AGBL4: variants seen among roughly 807,000 people sequenced by gnomAD.
AGBL4 encodes the protein AGBL carboxypeptidase 4.
In AGBL4, 58 loss-of-function variants were observed where a neutral mutation model predicts 66.4. The ratio of observed to expected loss-of-function variants is 0.87; its 90% confidence interval spans 0.71 to 1.09. The LOEUF is 1.09. Among genes scored for constraint, AGBL4 ranks in the 50% least tolerant of loss-of-function variants. The pLI, the probability that AGBL4 is intolerant of heterozygous loss-of-function variation, is 0.00. For synonymous variants in AGBL4, 234 were observed against 222.9 expected (o/e 1.05, Z -0.44); for missense variants, 579 against 631.0 (o/e 0.92, Z 0.88).
At chr1:48,577,107 T>A (rs1187854436) in intron 11 of AGBL4, among the ~76,000 whole-genome samples, 1 of 152,224 alleles carries the variant, frequency 6.6e-6, no homozygotes, top group Non-Finnish European at 1.5e-5. Context: ...TAGCAGACAG[T>A]CCCTCTCATT....
intron 8 of AGBL4, among the ~76,000 whole-genome samples, chr1:48,652,551 G>T (rs1260759883): frequency 6.6e-6 from 1 of 152,164 alleles, no homozygotes; most frequent in Non-Finnish European, 1.5e-5. Flanking sequence ...AAGCTGGGGG[G>T]TCTGAATGTC....
intron 5 of AGBL4, among the ~76,000 whole-genome samples, chr1:49,020,847 T>C (rs747929572): frequency 4.6e-5 from 7 of 152,168 alleles, no homozygotes; most frequent in Non-Finnish European, 8.8e-5. Flanking sequence ...TAGCCTTGTT[T>C]AATGGGGCAA....
At chr1:49,352,001 A>T (rs915546504) in intron 3 of AGBL4, among the ~76,000 whole-genome samples, 1 of 152,156 alleles carries the variant, frequency 6.6e-6, no homozygotes, top group African/African-American at 2.4e-5. Flanking sequence ...CTCTTTTTCA[A>T]TTAACTTCCT....
chr1:49,754,445 C>T (rs4926829), intron 2 of AGBL4, among the ~76,000 whole-genome samples: 7,553 of 152,072 alleles, frequency 0.05, 298 homozygotes, highest in East Asian at 0.15. Context: ...AATAGTAGGG[C>T]CTTTCTTCTG....
intron 3 of AGBL4, among the ~76,000 whole-genome samples, chr1:49,259,077 A>T (rs1038166485): frequency 6.6e-6 from 1 of 152,194 alleles, no homozygotes; most frequent in Non-Finnish European, 1.5e-5. Flanking sequence ...GTGAAGGAGA[A>T]ATAAAATACC....
At chr1:49,215,320 G>A (rs544474041) in intron 4 of AGBL4, among the ~76,000 whole-genome samples, 2 of 152,274 alleles carry the variant, frequency 1.3e-5, no homozygotes, top group South Asian at 2.1e-4. Context: ...TGGGCTGAAT[G>A]TAAGGGCACC....
At chr1:48,939,724 G>C (rs1655793002) in intron 5 of AGBL4, among the ~76,000 whole-genome samples, 1 of 152,144 alleles carries the variant, frequency 6.6e-6, no homozygotes, top group Non-Finnish European at 1.5e-5. Context: ...GGCAAGTGGG[G>C]GCCCCACTCT....
chr1:48,644,346 C>T (rs917657948), intron 8 of AGBL4, among the ~76,000 whole-genome samples: 1 of 152,178 alleles, frequency 6.6e-6, no homozygotes, highest in Admixed American at 6.5e-5. Context: ...TATCCCAACC[C>T]TCTTGGCTGG....
chr1:49,042,590 A>G (rs1314479922), intron 5 of AGBL4, among the ~76,000 whole-genome samples: 1 of 152,132 alleles, frequency 6.6e-6, no homozygotes, highest in Non-Finnish European at 1.5e-5. Context: ...CATGGAATAC[A>G]GATACGATGG....
intron 9 of AGBL4, among the ~76,000 whole-genome samples, chr1:48,619,294 A>G (rs983362924): frequency 2.0e-5 from 3 of 152,226 alleles, no homozygotes; most frequent in African/African-American, 7.2e-5. Context: ...GGGAGTCCAC[A>G]TTTGAGGAGA....
chr1:49,300,127 C>G (rs886134457), intron 3 of AGBL4, among the ~76,000 whole-genome samples: 1 of 152,170 alleles, frequency 6.6e-6, no homozygotes, highest in African/African-American at 2.4e-5. Context: ...GTAATGAAGG[C>G]AAATGTTATT....
rs560170064 is a variant in AGBL4, at chr1:49,973,239, A to G, written c.34+50524T>C. Among the ~76,000 whole-genome samples, 5 of 152,322 alleles carry G rather than the reference A, an allele frequency of 3.3e-5. No homozygotes were observed. The South Asian group carries it at 1.0e-3, about 32-fold the overall frequency. ...ACCCCTTGTAAAGTAAACCACCTGC[A>G]CAACCATAAACAGCAGCCCTAGTGT... On this transcript the variant is annotated intron_variant, in intron 1 of 13. Coordinates refer to ENST00000371839, the MANE Select transcript of AGBL4 (RefSeq NM_032785.4).
chr1:49,525,190 C>T (rs527437984), intron 3 of AGBL4, among the ~76,000 whole-genome samples: 1 of 151,966 alleles, frequency 6.6e-6, no homozygotes, highest in Non-Finnish European at 1.5e-5. Flanking sequence ...CCTTGCTTCA[C>T]TGGAGTTTAT....
chr1:49,421,569 G>A (rs1452497844), intron 3 of AGBL4, among the ~76,000 whole-genome samples: 1 of 152,124 alleles, frequency 6.6e-6, no homozygotes, highest in African/African-American at 2.4e-5. Flanking sequence ...AATAACCTAA[G>A]CAAGAAGAGA....
At chr1:49,132,881 A>C (rs1645928151) in intron 4 of AGBL4, among the ~76,000 whole-genome samples, 1 of 152,212 alleles carries the variant, frequency 6.6e-6, no homozygotes, top group South Asian at 2.1e-4. Flanking sequence ...CAGCAATCCC[A>C]TTACTGGGAA....
chr1:49,640,297 A>G (rs921065182), intron 3 of AGBL4, among the ~76,000 whole-genome samples: 2 of 152,184 alleles, frequency 1.3e-5, no homozygotes, highest in Non-Finnish European at 2.9e-5. Context: ...AAACAATGAA[A>G]TAAATATAAC....
chr1:49,696,428 G>GTATT (rs1646985927), intron 3 of AGBL4, among the ~76,000 whole-genome samples: 1 of 152,004 alleles, frequency 6.6e-6, no homozygotes, highest in Non-Finnish European at 1.5e-5. Context: ...CAAAATACAA[G>GTATT]TTGAGAATCC....
At chr1:49,735,448 T>C (rs1049325926) in intron 2 of AGBL4, among the ~76,000 whole-genome samples, 4 of 151,566 alleles carry the variant, frequency 2.6e-5, no homozygotes, top group African/African-American at 9.7e-5. Flanking sequence ...AGAAAATGTA[T>C]TCTCCCATTG....
chr1:48,914,857 G>A (rs1450584089), intron 5 of AGBL4, among the ~76,000 whole-genome samples: 1 of 152,174 alleles, frequency 6.6e-6, no homozygotes, highest in East Asian at 1.9e-4. Context: ...GGGTTTCTCA[G>A]AAAATGTCAG....
Sources: gnomAD v4.1 joint callset for allele counts (sites outside exome capture counted in the v4.1 genomes callset) on GRCh38, gnomAD v4.1.1 for gene constraint, MANE v1.5 for transcripts, NCBI Gene and HGNC (gene_info 2026-07-23, HGNC 2026-07-21) for gene names.